Variants in CD247 observed in about 807,000 individuals in gnomAD.
CD247 encodes CD247 molecule, also known as T-cell surface glycoprotein CD3 zeta chain.
CD247 carries 13 observed loss-of-function variants against 30.0 expected under a neutral mutation model. That is an observed-to-expected ratio of 0.43 (90% CI 0.28 to 0.69). The LOEUF is 0.69. Among genes scored for constraint, CD247 ranks in the 30% least tolerant of loss-of-function variants. CD247 has a pLI of 0.16. For missense variants in CD247, 193 were observed against 212.6 expected, an observed-to-expected ratio of 0.91 and a Z score of 0.57; for synonymous variants, 72 against 80.0, an observed-to-expected ratio of 0.90 and a Z score of 0.53.
rs754652439 is a variant in CD247 at position 167,489,398 on chromosome 1, G to T, written c.58+29010C>A. Among the ~76,000 whole-genome samples, 29 of 152,244 alleles carry T rather than the reference G, an allele frequency of 1.9e-4. 1 individual carries two copies. The highest frequency in any genetic ancestry group is 3.4e-4 in the Non-Finnish European group (23 of 68,012). On this transcript the variant is annotated intron_variant, in intron 1 of 7. Coordinates refer to ENST00000362089, the MANE Select transcript of CD247 (RefSeq NM_198053.3). ...ATTAAAGATTTCCTGCCTGCTTTGT[G>T]GGTAGGTGACACTCTCATTGAGATA...
intron 1 of CD247, among the ~76,000 whole-genome samples, chr1:167,459,065 G>T (rs1327920499): frequency 6.6e-6 from 1 of 151,712 alleles, no homozygotes; most frequent in Non-Finnish European, 1.5e-5. Flanking sequence ...AAGCTGGGAG[G>T]GGGAGGTTGC....
intron 1 of CD247, among the ~76,000 whole-genome samples, chr1:167,495,517 G>T (rs1311357605): frequency 6.6e-6 from 1 of 152,106 alleles, no homozygotes; most frequent in Non-Finnish European, 1.5e-5. Context: ...GCCTACTTCT[G>T]CCCTTATTCC....
At chr1:167,490,119 C>A (rs966391267) in intron 1 of CD247, among the ~76,000 whole-genome samples, 1 of 151,966 alleles carries the variant, frequency 6.6e-6, no homozygotes, top group Non-Finnish European at 1.5e-5. Context: ...CAAGCAATGT[C>A]CCCAAGCAAA....
rs536161539 is a variant in CD247 at position 167,481,815 on chromosome 1, G to A, written c.58+36593C>T. The stretch of plus-strand genomic sequence containing the variant: ...CTGTCACTGCATTCAGTTCTGTGAG[G>A]GTGGCCAGGGACTCCTGTCTGCCCC... On this transcript the variant is annotated intron_variant, in intron 1 of 7. Transcript: ENST00000362089. Among the ~76,000 whole-genome samples the A allele has an allele frequency of 4.6e-5, 7 of 152,226 alleles. No individual in the cohort carries two copies. The East Asian group carries it at 1.4e-3, about 29-fold the overall frequency.
At chr1:167,442,197 TC>T (rs1651873852) in intron 1 of CD247, among the ~76,000 whole-genome samples, 1 of 152,182 alleles carries the variant, frequency 6.6e-6, no homozygotes. Flanking sequence ...TGACCATACT[TC>T]CTACTAGGTA....
At position 167,435,442 on chromosome 1, in the gene CD247, A is replaced by C; in HGVS notation, c.301-8T>G. On this transcript the variant is annotated splice_polypyrimidine_tract_variant and splice_region_variant and intron_variant, in intron 4 of 7. Transcript: ENST00000362089. ...AGGGTTCTTCCTTCTCTGCTAGGAA[A>C]GACAACGGGAAGACGTTAGAGGGAG... The C allele has an allele frequency of 6.2e-7, 1 of 1,610,654 alleles. No individual in the cohort carries two copies. The highest frequency in any genetic ancestry group is 1.1e-5 in the South Asian group (1 of 90,992).
At chr1:167,451,951 G>A (rs142698327) in intron 1 of CD247, among the ~76,000 whole-genome samples, 311 of 152,260 alleles carry the variant, frequency 2.0e-3, no homozygotes, top group African/African-American at 6.9e-3. Flanking sequence ...GGCCGGGTGC[G>A]GTGGCTCATG....
intron 1 of CD247, among the ~76,000 whole-genome samples, chr1:167,446,072 G>A (rs1394933335): frequency 6.6e-6 from 1 of 152,162 alleles, no homozygotes; most frequent in Non-Finnish European, 1.5e-5. Context: ...TGGCAAAGCT[G>A]GAAGGGAATT....
chr1:167,476,168 G>A (rs1334684263), intron 1 of CD247, among the ~76,000 whole-genome samples: 4 of 152,268 alleles, frequency 2.6e-5, no homozygotes, highest in East Asian at 1.9e-4. Flanking sequence ...GAAGTGAAGC[G>A]CTATAACATT....
intron 6 of CD247, 85 bp downstream of exon 6, chr1:167,433,935 A>G (rs1651401149): frequency 8.3e-7 from 1 of 1,204,874 alleles, no homozygotes; most frequent in East Asian, 2.3e-5. Context: ...TGGGATGAGA[A>G]GTGGATGGGA....
chr1:167,445,948 GA>G, intron 1 of CD247, among the ~76,000 whole-genome samples: 1 of 152,330 alleles, frequency 6.6e-6, no homozygotes, highest in African/African-American at 2.4e-5. Context: ...GATGGAGTTA[GA>G]TTCTTATGAG....
At chr1:167,466,847 T>TG (rs1434187868) in intron 1 of CD247, among the ~76,000 whole-genome samples, 3 of 151,810 alleles carry the variant, frequency 2.0e-5, no homozygotes, top group Non-Finnish European at 4.4e-5. Context: ...CCTCTTCTTT[T>TG]TTTTTTTTTT....
chr1:167,482,732 G>T (rs1654023077), intron 1 of CD247, among the ~76,000 whole-genome samples: 1 of 152,208 alleles, frequency 6.6e-6, no homozygotes, highest in South Asian at 2.1e-4. Flanking sequence ...AAAGGGCTGT[G>T]TGCCTATTCA....
chr1:167,449,860 C>A (rs564967187), intron 1 of CD247, among the ~76,000 whole-genome samples: 166 of 152,008 alleles, frequency 1.1e-3, no homozygotes, highest in African/African-American at 3.8e-3. Flanking sequence ...GACGTGGAGG[C>A]TGCAGTGAGC....
At chr1:167,517,690 G>A (rs928179374) in intron 1 of CD247, among the ~76,000 whole-genome samples, 2 of 152,196 alleles carry the variant, frequency 1.3e-5, no homozygotes, top group African/African-American at 2.4e-5. Context: ...CTAGATGGCC[G>A]CCTAAGGGGC....
At chr1:167,461,537 A>G (rs1160802813) in intron 1 of CD247, among the ~76,000 whole-genome samples, 1 of 152,216 alleles carries the variant, frequency 6.6e-6, no homozygotes, top group African/African-American at 2.4e-5. Flanking sequence ...GTGTATAAGA[A>G]TATGTAATTT....
At chr1:167,496,489 G>T (rs1654696208) in intron 1 of CD247, among the ~76,000 whole-genome samples, 1 of 152,210 alleles carries the variant, frequency 6.6e-6, no homozygotes, top group African/African-American at 2.4e-5. Context: ...GCAGCAGCTT[G>T]TCTCCGGATC....
At chr1:167,466,902 C>G (rs1425494074) in intron 1 of CD247, among the ~76,000 whole-genome samples, 3 of 151,734 alleles carry the variant, frequency 2.0e-5, no homozygotes, top group Non-Finnish European at 2.9e-5. Flanking sequence ...TGCAGTGGCG[C>G]AATCTCAGCT....
intron 1 of CD247, among the ~76,000 whole-genome samples, chr1:167,514,510 G>C (rs956814349): frequency 2.6e-5 from 4 of 152,116 alleles, no homozygotes; most frequent in Non-Finnish European, 5.9e-5. Context: ...TTTGTTTTCA[G>C]GGAACTTAAA....
Sources: allele counts gnomAD v4.1 joint callset (sites outside exome capture counted in the v4.1 genomes callset), GRCh38; gene constraint gnomAD v4.1.1; transcripts MANE v1.5; gene names NCBI Gene and HGNC (gene_info 2026-07-23, HGNC 2026-07-21).